Variants in CCNDBP1 observed in about 807,000 individuals in gnomAD.
CCNDBP1 encodes cyclin D1 binding protein 1.
In CCNDBP1, 45 loss-of-function variants were observed where a neutral mutation model predicts 46.2. The observed-to-expected ratio is 0.97, with a 90% CI of 0.77 to 1.25. CCNDBP1 has a LOEUF of 1.25. Ranked by LOEUF, CCNDBP1 falls within the 50% of genes most tolerant of loss-of-function variation. The probability of loss-of-function intolerance (pLI) is 0.00; values close to 1 mark genes in which losing one functional copy is unlikely to be tolerated. For missense variants in CCNDBP1, 436 were observed against 442.1 expected, an observed-to-expected ratio of 0.99 and a Z score of 0.12; for synonymous variants, 154 against 163.6, an observed-to-expected ratio of 0.94 and a Z score of 0.45.
chr15:43,185,763 G>T, intron 1 of CCNDBP1, 57 bp from the exon 2 acceptor site: 1 of 1,569,884 alleles, frequency 6.4e-7, no homozygotes. Context: ...AGGTGGCTCC[G>T]CTTACCTCAG....
At chr15:43,191,342 CCTTTTTTT>C in intron 7 of CCNDBP1, 45 bp from the exon 8 acceptor site, 2 of 1,109,194 alleles carry the variant, frequency 1.8e-6, no homozygotes, top group African/African-American at 2.0e-5. Flanking sequence ...ATAGGCCTCG[CCTTTTTTT>C]TTTTTTTTTT....
intron 6 of CCNDBP1, 26 bp downstream of exon 6, chr15:43,190,424 T>C: frequency 6.2e-7 from 1 of 1,602,002 alleles, no homozygotes; most frequent in Non-Finnish European, 8.6e-7. Flanking sequence ...CAGTGGGCCA[T>C]GTCTGCTGGC....
chr15:43,189,931 T>C, intron 4 of CCNDBP1, 124 bp from the exon 5 acceptor site: 2 of 741,890 alleles, frequency 2.7e-6, no homozygotes, highest in Non-Finnish European at 4.4e-6. Flanking sequence ...AGTTTTGTGT[T>C]AGCATGTAGG....
chr15:43,188,736 C>T (rs1018624048), intron 3 of CCNDBP1: 4 of 156,058 alleles, frequency 2.6e-5, no homozygotes, highest in African/African-American at 9.7e-5. Flanking sequence ...TATAGTAGGC[C>T]TGCCTTCATA....
chr15:43,185,573 G>A lies in CCNDBP1; in HGVS notation c.75G>A (p.Ala25=). 6.3e-7 allele frequency: 1 copy of A among 1,584,534 alleles called. No individual in the cohort carries two copies. Among genetic ancestry groups the A allele is most frequent in the Middle Eastern group, 2.0e-4 (1 of 4,932 alleles). ...CTTTGGAGCAGCTCCGGCACTTGGCGGAGGAGCTGCGGTTGCTCCTGCCTC... is the reference window on the plus strand; with the variant it reads ...CTTTGGAGCAGCTCCGGCACTTGGCAGAGGAGCTGCGGTTGCTCCTGCCTC... ...ASPLEQLRHL[A]EELRLLLPRV... Residue 25 remains alanine (A), a synonymous_variant, in exon 1 of 11, where the codon GCG becomes GCA. Transcript: ENST00000300213.
intron 9 of CCNDBP1, 49 bp from the exon 10 acceptor site, chr15:43,194,366 C>T: frequency 4.1e-6 from 6 of 1,470,300 alleles, no homozygotes; most frequent in Non-Finnish European, 5.5e-6. Flanking sequence ...TTGAACTCAC[C>T]TTTTTATGGT....
Position 43,194,909 on chromosome 15 carries a change from A to C in CCNDBP1, c.*68A>C. The stretch of plus-strand genomic sequence containing the variant: ...GGTCAGGCTCTGATACCTGCTTTTA[A>C]AATGGAGCTAGAATGCTTGCTGGAT... On this transcript the variant is annotated 3_prime_UTR_variant, in exon 11 of 11. Transcript: ENST00000300213. 1 of 960,762 alleles carries C rather than the reference A, an allele frequency of 1.0e-6. No individual in the cohort carries two copies. The highest frequency in any genetic ancestry group is 1.7e-6 in the Non-Finnish European group (1 of 600,214). 59.5% of individuals were successfully genotyped at this position (960,762 alleles called of 1,614,324 possible).
Position 43,197,049 on chromosome 15 carries a change from G to T in CCNDBP1, c.*2208G>T. 2.0e-6 allele frequency: 1 copy of T among 493,830 alleles called. No individual in the cohort carries two copies. Among genetic ancestry groups the T allele is most frequent in the Non-Finnish European group, 3.7e-6 (1 of 273,116 alleles). 30.6% of individuals were successfully genotyped at this position (493,830 alleles called of 1,614,324 possible). A position where few individuals can be genotyped will look rare whatever the true frequency, so the allele number is the denominator to read the frequency against. On this transcript the variant is annotated 3_prime_UTR_variant, in exon 11 of 11. Coordinates refer to ENST00000300213, the MANE Select transcript of CCNDBP1 (RefSeq NM_012142.5). The stretch of plus-strand genomic sequence containing the variant: ...TACCCCTACCCCTCAACCCATTCTT[G>T]CCCTGTGATCTCTGCTCACGTTGCC...
At chr15:43,194,676 C>A in intron 10 of CCNDBP1, 51 bp from the exon 11 acceptor site, 1 of 1,394,908 alleles carries the variant, frequency 7.2e-7, no homozygotes, top group Admixed American at 1.7e-5. Flanking sequence ...GATAGGTTTT[C>A]CCTTGACATC....
In CCNDBP1 at chr15:43,194,946, G is replaced by T; in HGVS notation, c.*105G>T. 1 of 699,706 alleles carries T rather than the reference G, an allele frequency of 1.4e-6. No individual in the cohort carries two copies. The allele number at this position is 699,706 out of a possible 1,614,324, so 43.3% of individuals were successfully genotyped here. A position where few individuals can be genotyped will look rare whatever the true frequency, so the allele number is the denominator to read the frequency against. ...AATGCTTGCTGGATTGAAAGGGAGT[G>T]CCTATCTATATTTAGCAAGAGACAC... On this transcript the variant is annotated 3_prime_UTR_variant, in exon 11 of 11. Transcript: ENST00000300213.
At chr15:43,186,302 C>A in intron 3 of CCNDBP1, 69 bp downstream of exon 3, 2 of 1,215,740 alleles carry the variant, frequency 1.6e-6, no homozygotes, top group Non-Finnish European at 2.4e-6. Flanking sequence ...ATTTTCTTTC[C>A]ACCTTTTGCA....
At chr15:43,186,330 C>A in intron 3 of CCNDBP1, 97 bp downstream of exon 3, 1 of 955,120 alleles carries the variant, frequency 1.0e-6, no homozygotes, top group Non-Finnish European at 1.6e-6. Flanking sequence ...CAGGAGATTT[C>A]TTTTCTTCAT....
At chr15:43,189,724 T>A (rs2041917398) in intron 4 of CCNDBP1, 1 of 356,674 alleles carries the variant, frequency 2.8e-6, no homozygotes, top group Admixed American at 4.4e-5. Flanking sequence ...TATAACTGAA[T>A]ACATGTCATG....
chr15:43,187,235 A>G (rs984053147), intron 3 of CCNDBP1, among the ~76,000 whole-genome samples: 1 of 151,494 alleles, frequency 6.6e-6, no homozygotes, highest in Non-Finnish European at 1.5e-5. Context: ...GCATGTACCT[A>G]CAGTGATAAA....
At chr15:43,189,965 C>A in intron 4 of CCNDBP1, 90 bp from the exon 5 acceptor site, 2 of 1,097,376 alleles carry the variant, frequency 1.8e-6, no homozygotes, top group Non-Finnish European at 1.4e-6. Context: ...GTGTACATTA[C>A]CTTATAGTTC....
Position 43,191,455 on chromosome 15 carries a change from G to C in CCNDBP1, c.640G>C (p.Asp214His). Residue 214 changes from aspartate to histidine, a missense_variant, in exon 8 of 11, where the codon GAC becomes CAC. By Grantham distance (81) the Asp-to-His change is moderately conservative (BLOSUM62 -1). Transcript: ENST00000300213. ...GAATGATACTGAGGAGAACAACTCT[G>C]ACAACCACAATCATGAGGATGATGT... ...LLNDTEENNS[D>H]NHNHEDDVLG... 1 of 1,594,608 alleles carries C rather than the reference G, an allele frequency of 6.3e-7. No homozygotes were observed. Among genetic ancestry groups the C allele is most frequent in the Non-Finnish European group, 8.5e-7 (1 of 1,171,278 alleles).
Position 43,197,155 on chromosome 15 carries a change from TAAAG to T in CCNDBP1, c.*2315_*2318del. On this transcript the variant is annotated 3_prime_UTR_variant, in exon 11 of 11. Transcript: ENST00000300213. ...ACAGCCTGCAGAGCCGTGAGCCAAA[TAAAG>T]CTCTTTTCTTTTAAACTACCCAGCC... 8.7e-7 allele frequency: 1 copy of T among 1,151,568 alleles called. No homozygotes were observed. Among genetic ancestry groups the T allele is most frequent in the Non-Finnish European group, 1.3e-6 (1 of 789,002 alleles). The allele number at this position is 1,151,568 out of a possible 1,614,324, so 71.3% of individuals were successfully genotyped here.
At chr15:43,187,377 C>T (rs2041870578) in intron 3 of CCNDBP1, among the ~76,000 whole-genome samples, 1 of 151,650 alleles carries the variant, frequency 6.6e-6, no homozygotes, top group African/African-American at 2.4e-5. Context: ...TCAAGCAGTT[C>T]TCCTGCCTCA....
rs542854012 is a variant in CCNDBP1, at chr15:43,186,252, G to T, written c.249+19G>T. On this transcript the variant is annotated intron_variant, in intron 3 of 10. Coordinates refer to ENST00000300213, the MANE Select transcript of CCNDBP1 (RefSeq NM_012142.5). ...TCCACAGGTGGGCTTCACTTTCGTGGAATCCTTGGGCTGCCGAGTTACACC... is the reference window on the plus strand; with the variant it reads ...TCCACAGGTGGGCTTCACTTTCGTGTAATCCTTGGGCTGCCGAGTTACACC... 4.6e-5 allele frequency: 74 copies of T among 1,601,906 alleles called. No individual in the cohort carries two copies. Among genetic ancestry groups the T allele is most frequent in the Non-Finnish European group, 5.6e-5 (66 of 1,169,308 alleles).
Sources: gnomAD v4.1 joint callset for allele counts (sites outside exome capture counted in the v4.1 genomes callset) on GRCh38, gnomAD v4.1.1 for gene constraint, MANE v1.5 for transcripts, NCBI Gene and HGNC (gene_info 2026-07-23, HGNC 2026-07-21) for gene names.